Variants in NRXN3 observed in about 807,000 individuals in gnomAD.
NRXN3 encodes neurexin 3.
Under a neutral mutation model 137.6 loss-of-function variants are expected in NRXN3, and 32 were observed. That is an observed-to-expected ratio of 0.23 (90% confidence interval 0.18 to 0.31). NRXN3 has a LOEUF of 0.31. Among genes scored for constraint, NRXN3 ranks in the 10% least tolerant of loss-of-function variants. The pLI, the probability that NRXN3 is intolerant of heterozygous loss-of-function variation, is 1.00. For missense variants in NRXN3, 1,574 were observed against 2,062.5 expected (o/e 0.76, Z 4.59); for synonymous variants, 798 against 784.5 (o/e 1.02, Z -0.29).
intron 15 of NRXN3, among the ~76,000 whole-genome samples, chr14:79,292,304 G>A (rs923008190): frequency 3.9e-5 from 6 of 152,302 alleles, no homozygotes; most frequent in Admixed American, 2.0e-4. Flanking sequence ...ACCCAAGAGT[G>A]AGGGACCCCC....
At chr14:78,952,041 G>A (rs1262357640) in intron 10 of NRXN3, among the ~76,000 whole-genome samples, 2 of 151,976 alleles carry the variant, frequency 1.3e-5, no homozygotes, top group East Asian at 3.9e-4. Context: ...TGAATAGCTG[G>A]GTCACTTGTC....
chr14:79,538,391 G>A (rs1053360803), intron 16 of NRXN3, among the ~76,000 whole-genome samples: 27 of 152,134 alleles, frequency 1.8e-4, no homozygotes, highest in Non-Finnish European at 2.6e-4. Flanking sequence ...GAATGGTATT[G>A]CCTAGGTTTT....
rs973612310 is a variant in NRXN3, at chr14:78,805,164, C to CT, written c.2248+1351dup. On this transcript the variant is annotated intron_variant, in intron 9 of 20. Transcript: ENST00000335750. Reference sequence around the variant, plus strand: ...TGAGCAGTGACTTCTTTAGTTATGTCTTTTTTTTTTCTTCTAGTTTTCAGT... The same window carrying CT: ...TGAGCAGTGACTTCTTTAGTTATGTCTTTTTTTTTTTCTTCTAGTTTTCAGT... 5.7e-3 allele frequency among the ~76,000 whole-genome samples: 858 copies of CT among 149,242 alleles called. 11 individuals carry two copies. The highest frequency in any genetic ancestry group is 0.02 in the African/African-American group (799 of 40,700).
At chr14:78,486,113 A>G (rs536155194) in intron 4 of NRXN3, among the ~76,000 whole-genome samples, 1 of 152,366 alleles carries the variant, frequency 6.6e-6, no homozygotes, top group Non-Finnish European at 1.5e-5. Context: ...ATTATTGTTG[A>G]AGCTGAGCAA....
intron 19 of NRXN3, among the ~76,000 whole-genome samples, chr14:79,746,550 A>C (rs1168644128): frequency 6.6e-6 from 1 of 152,140 alleles, no homozygotes; most frequent in African/African-American, 2.4e-5. Context: ...CTCAAAATAC[A>C]TACTTTTTCA....
At chr14:79,565,282 TATACGCACACATGTGTATATAC>T (rs2097538061) in intron 16 of NRXN3, among the ~76,000 whole-genome samples, 1 of 149,060 alleles carries the variant, frequency 6.7e-6, no homozygotes, top group Admixed American at 6.7e-5. Flanking sequence ...TGTGTATACA[TATACGCACACATGTGTATATAC>T]ATATACACAC....
chr14:79,277,477 C>A (rs1329611423), intron 15 of NRXN3, among the ~76,000 whole-genome samples: 2 of 152,168 alleles, frequency 1.3e-5, no homozygotes, highest in African/African-American at 2.4e-5. Flanking sequence ...GCAATAATAG[C>A]ATAAGACCCT....
intron 15 of NRXN3, among the ~76,000 whole-genome samples, chr14:79,116,864 T>C (rs2054538645): frequency 6.6e-6 from 1 of 152,218 alleles, no homozygotes; most frequent in Non-Finnish European, 1.5e-5. Flanking sequence ...TATAAGAGTT[T>C]GGAAAGGTAG....
chr14:79,050,180 T>G (rs2099639822), intron 15 of NRXN3, among the ~76,000 whole-genome samples: 1 of 152,204 alleles, frequency 6.6e-6, no homozygotes, highest in Non-Finnish European at 1.5e-5. Flanking sequence ...TCTGTTTCTG[T>G]GTTGTCCTGA....
chr14:78,686,072 A>T (rs556201104), intron 6 of NRXN3, among the ~76,000 whole-genome samples: 50 of 152,270 alleles, frequency 3.3e-4, no homozygotes, highest in African/African-American at 1.2e-3. Flanking sequence ...CATGCCGTAA[A>T]TTCACTTCTT....
At chr14:78,450,621 T>A in intron 4 of NRXN3, among the ~76,000 whole-genome samples, 1 of 152,144 alleles carries the variant, frequency 6.6e-6, no homozygotes, top group East Asian at 1.9e-4. Flanking sequence ...GGGAAGGAGC[T>A]CTGGGAGGCT....
intron 19 of NRXN3, among the ~76,000 whole-genome samples, chr14:79,750,392 T>C (rs2098993550): frequency 6.6e-6 from 1 of 152,220 alleles, no homozygotes; most frequent in African/African-American, 2.4e-5. Flanking sequence ...ATTTGCATTC[T>C]TACCAATGTA....
At chr14:79,601,859 G>A (rs962132019) in intron 16 of NRXN3, among the ~76,000 whole-genome samples, 4 of 152,200 alleles carry the variant, frequency 2.6e-5, no homozygotes, top group African/African-American at 9.6e-5. Flanking sequence ...CTAAGAGACA[G>A]AAGAGAGTGC....
chr14:78,525,767 G>GCAAA (rs746650742), intron 4 of NRXN3, among the ~76,000 whole-genome samples: 3 of 152,156 alleles, frequency 2.0e-5, no homozygotes, highest in Non-Finnish European at 4.4e-5. Flanking sequence ...TGGAAATCAA[G>GCAAA]ATGGCATTTC....
chr14:79,803,014 G>A lies in NRXN3; in HGVS notation c.4015-2098G>A, dbSNP rs373903557. On this transcript the variant is annotated intron_variant, in intron 19 of 20. Coordinates refer to ENST00000335750, the MANE Select transcript of NRXN3 (RefSeq NM_001330195.2). Reference sequence around the variant, plus strand: ...ATTTACCTATGTAACAAACCTGCACGTTTTGCACATGTATCCTGGAACTTT... The same window carrying A: ...ATTTACCTATGTAACAAACCTGCACATTTTGCACATGTATCCTGGAACTTT... Among the ~76,000 whole-genome samples the A allele has an allele frequency of 1.2e-4, 19 of 152,090 alleles. 1 individual carries two copies. In the South Asian group the frequency reaches 3.5e-3, roughly 28 times the overall value.
At chr14:78,758,195 C>T (rs762869101) in intron 8 of NRXN3, among the ~76,000 whole-genome samples, 7 of 152,112 alleles carry the variant, frequency 4.6e-5, no homozygotes, top group Non-Finnish European at 8.8e-5. Context: ...TGTGTGGCTT[C>T]GGGTCAGTTA....
chr14:78,597,700 TC>T, intron 4 of NRXN3, among the ~76,000 whole-genome samples: 1 of 152,332 alleles, frequency 6.6e-6, no homozygotes, highest in East Asian at 1.9e-4. Context: ...GGATGGCTTT[TC>T]TTCTTTCCAT....
intron 16 of NRXN3, among the ~76,000 whole-genome samples, chr14:79,655,732 C>T (rs534839896): frequency 2.9e-4 from 44 of 152,172 alleles, no homozygotes; most frequent in African/African-American, 9.6e-4. Context: ...TGCGTGGCCT[C>T]GACCCACTAG....
intron 15 of NRXN3, among the ~76,000 whole-genome samples, chr14:79,204,764 A>G (rs1029296757): frequency 6.6e-6 from 1 of 152,194 alleles, no homozygotes. Flanking sequence ...TGGCACAGGT[A>G]GAGGTACTTA....
Sources: allele counts gnomAD v4.1 joint callset (sites outside exome capture counted in the v4.1 genomes callset), GRCh38; gene constraint gnomAD v4.1.1; transcripts MANE v1.5; gene names NCBI Gene and HGNC (gene_info 2026-07-23, HGNC 2026-07-21).